Variants in SF3A3 observed in about 807,000 individuals in gnomAD.
The protein encoded by SF3A3 is SAP 61.
SF3A3 carries 9 observed loss-of-function variants against 85.8 expected under a neutral mutation model. The observed-to-expected ratio is 0.10, with a 90% CI of 0.06 to 0.18. The LOEUF (loss-of-function observed/expected upper bound fraction) is 0.18. Among genes scored for constraint, SF3A3 ranks in the 10% least tolerant of loss-of-function variants. The pLI is 1.00. For synonymous variants in SF3A3, 195 were observed against 204.4 expected (o/e 0.95, Z 0.39); for missense variants, 306 against 593.3 (o/e 0.52, Z 5.03).
At chr1:37,980,501 G>T in intron 8 of SF3A3, 85 bp downstream of exon 8, 1 of 1,392,954 alleles carries the variant, frequency 7.2e-7, no homozygotes, top group Non-Finnish European at 1.0e-6. Flanking sequence ...GATACCTAAT[G>T]CCCTAAAGTG....
In SF3A3 at chr1:37,957,742, G is replaced by T. The variant is rs181595408; in HGVS notation, c.*444C>A. On this transcript the variant is annotated 3_prime_UTR_variant, in exon 17 of 17. Transcript: ENST00000373019. ...TCTTTCCCTAGTATTTGCATCAATG[G>T]CTAACTAAGCTGATGGCAGACCTCA... The T allele has an allele frequency of 6.4e-6, 1 of 156,384 alleles. No individual in the cohort carries two copies. Among genetic ancestry groups the T allele is most frequent in the Non-Finnish European group, 1.4e-5 (1 of 70,760 alleles). 9.7% of individuals were successfully genotyped at this position (156,384 alleles called of 1,614,324 possible). A position where few individuals can be genotyped will look rare whatever the true frequency, so the allele number is the denominator to read the frequency against.
At position 37,980,586 on chromosome 1, in the gene SF3A3, C is replaced by T; in HGVS notation, c.690G>A (p.Pro230=). The change falls in exon 8 of 17, where the codon CCG becomes CCA. Residue 230 remains proline, a splice_region_variant and synonymous_variant. Transcript: ENST00000373019. ...CCATTCACATCCCACTGAAGCTCACCGGCCATCCAGGAAAGGTCCCATTCT... is the reference window on the plus strand; with the variant it reads ...CCATTCACATCCCACTGAAGCTCACTGGCCATCCAGGAAAGGTCCCATTCT... ...KWENGTFPGW[P]KETSSALTHA... 3 of 1,613,556 alleles carry T rather than the reference C, an allele frequency of 1.9e-6. No homozygotes were observed. The highest frequency in any genetic ancestry group is 8.5e-7 in the Non-Finnish European group (1 of 1,179,828).
At chr1:37,979,223 C>T (rs1646400645) in intron 9 of SF3A3, 168 bp from the exon 10 acceptor site, 3 of 638,526 alleles carry the variant, frequency 4.7e-6, no homozygotes, top group Non-Finnish European at 8.4e-6. Flanking sequence ...TAGTTATCTT[C>T]AGACTTAACC....
At chr1:37,982,721 T>C (rs1420878208) in intron 6 of SF3A3, among the ~76,000 whole-genome samples, 1 of 152,110 alleles carries the variant, frequency 6.6e-6, no homozygotes, top group African/African-American at 2.4e-5. Flanking sequence ...TAAATACCTT[T>C]TTGCTGACTG....
At chr1:37,978,350 A>AG (rs1223496494) in intron 11 of SF3A3, among the ~76,000 whole-genome samples, 1 of 152,010 alleles carries the variant, frequency 6.6e-6, no homozygotes, top group Non-Finnish European at 1.5e-5. Context: ...AAAAAAAAAA[A>AG]AGAAAAAAGA....
chr1:37,985,811 G>A (rs1487352595), intron 4 of SF3A3, among the ~76,000 whole-genome samples: 10 of 151,846 alleles, frequency 6.6e-5, no homozygotes, highest in Admixed American at 2.6e-4. Context: ...ATTTACCTCC[G>A]CGCTATGTAT....
At chr1:37,961,377 G>A (rs1215723662) in intron 15 of SF3A3, among the ~76,000 whole-genome samples, 1 of 151,962 alleles carries the variant, frequency 6.6e-6, no homozygotes, top group Non-Finnish European at 1.5e-5. Context: ...CTGAGGTCGG[G>A]AGTTCGAGAC....
At chr1:37,958,648 T>C (rs1204692852) in intron 16 of SF3A3, among the ~76,000 whole-genome samples, 4 of 152,214 alleles carry the variant, frequency 2.6e-5, no homozygotes, top group South Asian at 2.1e-4. Context: ...TCAGAGGCCA[T>C]TGCAGGGGTT....
At chr1:37,963,706 G>A (rs78942803) in intron 15 of SF3A3, among the ~76,000 whole-genome samples, 47,382 of 149,724 alleles carry the variant, frequency 0.32, 7,591 homozygotes, top group East Asian at 0.48. Context: ...ACAGGCGCCC[G>A]CCACAACGTC....
chr1:37,986,559 C>A (rs1256334380), intron 4 of SF3A3, among the ~76,000 whole-genome samples: 1 of 151,976 alleles, frequency 6.6e-6, no homozygotes, highest in African/African-American at 2.4e-5. Flanking sequence ...TGCCTGTAAT[C>A]CCAGCACTTT....
intron 15 of SF3A3, among the ~76,000 whole-genome samples, chr1:37,964,111 G>A (rs1646281729): frequency 6.6e-6 from 1 of 151,904 alleles, no homozygotes; most frequent in African/African-American, 2.4e-5. Flanking sequence ...CCCGGGAGGT[G>A]GAGGTTGCAG....
intron 4 of SF3A3, among the ~76,000 whole-genome samples, chr1:37,985,172 T>G (rs1357724822): frequency 1.3e-5 from 2 of 152,240 alleles, no homozygotes; most frequent in Non-Finnish European, 2.9e-5. Flanking sequence ...AAAGTTGGAC[T>G]TCTGATGATT....
intron 12 of SF3A3, among the ~76,000 whole-genome samples, chr1:37,970,869 A>C (rs1646340684): frequency 6.6e-6 from 1 of 152,216 alleles, no homozygotes; most frequent in African/African-American, 2.4e-5. Context: ...GTGTAAAGGG[A>C]AATTTATAGC....
chr1:37,984,076 A>T (rs1009287598), intron 6 of SF3A3, 93 bp downstream of exon 6: 27 of 609,592 alleles, frequency 4.4e-5, no homozygotes, highest in African/African-American at 3.7e-4. Flanking sequence ...CACAAGGAAG[A>T]CACTTTACAA....
chr1:37,989,556 T>A lies in SF3A3; in HGVS notation c.136A>T (p.Met46Leu), dbSNP rs750997332. The A allele has an allele frequency of 1.2e-6, 2 of 1,613,920 alleles. No homozygotes were observed. Among genetic ancestry groups the A allele is most frequent in the South Asian group, 1.1e-5 (1 of 91,060 alleles). ...QINSDHRTRA[M>L]QDRYMEVSGN... is the part of the protein sequence containing the mutation. ...GACAGCTGGGCACTCACATCTTGCA[T>A]GGCCCGAGTGCGGTGATCAGAATTG... The change falls in exon 2 of 17, where the codon ATG becomes TTG. Residue 46 changes from methionine to leucine, a missense_variant. Transcript: ENST00000373019.
At chr1:37,966,819 C>T (rs1156668682) in intron 15 of SF3A3, among the ~76,000 whole-genome samples, 1 of 147,510 alleles carries the variant, frequency 6.8e-6, no homozygotes, top group Non-Finnish European at 1.5e-5. Flanking sequence ...CTTGTAATCC[C>T]AGCTACTCGG....
chr1:37,983,750 C>T (rs988035147), intron 6 of SF3A3, among the ~76,000 whole-genome samples: 1 of 151,798 alleles, frequency 6.6e-6, no homozygotes, highest in Non-Finnish European at 1.5e-5. Flanking sequence ...GCCTGGGCAA[C>T]ACTGCAAGAC....
intron 7 of SF3A3, among the ~76,000 whole-genome samples, chr1:37,981,436 T>A (rs998225485): frequency 6.6e-6 from 1 of 152,214 alleles, no homozygotes; most frequent in African/African-American, 2.4e-5. Flanking sequence ...TTTTTCCCAT[T>A]AAACTCCAAA....
At chr1:37,965,763 A>C (rs978470732) in intron 15 of SF3A3, among the ~76,000 whole-genome samples, 9 of 143,446 alleles carry the variant, frequency 6.3e-5, no homozygotes, top group African/African-American at 1.8e-4. Context: ...GTTCAAGCTG[A>C]CCAAACAGCT....
Sources: allele counts gnomAD v4.1 joint callset (sites outside exome capture counted in the v4.1 genomes callset), GRCh38; gene constraint gnomAD v4.1.1; transcripts MANE v1.5; gene names NCBI Gene and HGNC (gene_info 2026-07-23, HGNC 2026-07-21).